Variants in WASHC4 observed in about 807,000 individuals in gnomAD.
The protein encoded by WASHC4 is WASH complex subunit 7.
A neutral mutation model predicts 166.6 loss-of-function variants in WASHC4; 86 were observed. The ratio of observed to expected loss-of-function variants is 0.52; its 90% confidence interval spans 0.43 to 0.62. The LOEUF (loss-of-function observed/expected upper bound fraction) is 0.62. WASHC4 is among the 20% of genes least tolerant of loss of function. WASHC4 has a pLI of 0.00. For synonymous variants in WASHC4, 446 were observed against 451.6 expected, an observed-to-expected ratio of 0.99 and a Z score of 0.16; for missense variants, 1,262 against 1,382.4, an observed-to-expected ratio of 0.91 and a Z score of 1.38.
intron 13 of WASHC4, among the ~76,000 whole-genome samples, chr12:105,132,086 G>T (rs546273017): frequency 3.3e-5 from 5 of 152,194 alleles, no homozygotes; most frequent in Non-Finnish European, 7.4e-5. Context: ...TCTTTACCCT[G>T]TGTAACTAAA....
chr12:105,167,044 T>C lies in WASHC4; in HGVS notation c.*113T>C, dbSNP rs760355915. 4.0e-5 allele frequency: 31 copies of C among 766,994 alleles called. No homozygotes were observed. The Middle Eastern group carries it at 6.8e-4, about 17-fold the overall frequency. 47.5% of individuals were successfully genotyped at this position (766,994 alleles called of 1,614,324 possible). ...TTTCCTGGGTCACATCTCTGGAAAA[T>C]AGATGTTACAGTTCTTAAAGGCAGT... On this transcript the variant is annotated 3_prime_UTR_variant, in exon 33 of 33. Coordinates refer to ENST00000332180, the MANE Select transcript of WASHC4 (RefSeq NM_015275.3).
chr12:105,160,408 T>C (rs567388798), intron 29 of WASHC4, among the ~76,000 whole-genome samples: 65 of 152,224 alleles, frequency 4.3e-4, no homozygotes, highest in African/African-American at 1.3e-3. Context: ...AGTGCAGTGG[T>C]GTGATCATGG....
chr12:105,165,905 T>C (rs1455382014), intron 32 of WASHC4, among the ~76,000 whole-genome samples: 1 of 152,206 alleles, frequency 6.6e-6, no homozygotes, highest in Non-Finnish European at 1.5e-5. Context: ...TTTTCAAGGA[T>C]AAATTAGCAA....
At chr12:105,117,539 A>G (rs940534144) in intron 6 of WASHC4, among the ~76,000 whole-genome samples, 9 of 152,204 alleles carry the variant, frequency 5.9e-5, no homozygotes, top group Admixed American at 5.2e-4. Flanking sequence ...ATGTAAAACT[A>G]TAACTATTTA....
At chr12:105,123,851 A>AATTT (rs1566000197) in intron 10 of WASHC4, among the ~76,000 whole-genome samples, 2 of 152,192 alleles carry the variant, frequency 1.3e-5, no homozygotes, top group Admixed American at 1.3e-4. Flanking sequence ...CTTCAAAGAA[A>AATTT]GCCAGTGCCC....
At chr12:105,156,880 A>G (rs895145004) in intron 27 of WASHC4, 88 bp downstream of exon 27, 1 of 949,770 alleles carries the variant, frequency 1.1e-6, no homozygotes. Flanking sequence ...TATTGTAGAT[A>G]AGGTGTTTGT....
In WASHC4 at chr12:105,142,494, G is replaced by A; in HGVS notation, c.1829G>A (p.Arg610Gln). 6.2e-7 allele frequency: 1 copy of A among 1,610,864 alleles called. No homozygotes were observed. The highest frequency in any genetic ancestry group is 8.5e-7 in the Non-Finnish European group (1 of 1,177,916). Reference sequence around the variant, plus strand: ...GACTGTTGTTTTTTATACTGGCATCGAGCTGTCTTCCCAATTTATTTAGAT... The same window carrying A: ...GACTGTTGTTTTTTATACTGGCATCAAGCTGTCTTCCCAATTTATTTAGAT... Reference protein sequence around the residue: ...QCDCCFLYWHRAVFPIYLDDV... With the variant: ...QCDCCFLYWHQAVFPIYLDDV... Residue 610 changes from arginine (R) to glutamine (Q), a missense_variant, in exon 19 of 33, where the codon CGA (arginine) becomes CAA (glutamine). Coordinates refer to ENST00000332180, the MANE Select transcript of WASHC4 (RefSeq NM_015275.3).
intron 26 of WASHC4, among the ~76,000 whole-genome samples, chr12:105,156,297 G>A (rs1884158346): frequency 6.6e-6 from 1 of 152,102 alleles, no homozygotes; most frequent in Admixed American, 6.5e-5. Context: ...AAAACCTAGA[G>A]TTCAGAGGAA....
chr12:105,126,191 G>A (rs749832168), intron 11 of WASHC4, 44 bp from the exon 12 acceptor site: 3 of 1,611,804 alleles, frequency 1.9e-6, no homozygotes, highest in Non-Finnish European at 1.7e-6. Context: ...AAGCATAATT[G>A]AAGTATATTT....
intron 29 of WASHC4, among the ~76,000 whole-genome samples, chr12:105,162,321 A>G (rs144571702): frequency 1.3e-5 from 2 of 152,326 alleles, no homozygotes; most frequent in East Asian, 3.9e-4. Flanking sequence ...ACTGTCTTGC[A>G]TATGTTTTTA....
At chr12:105,158,800 TG>T (rs1175756062) in intron 28 of WASHC4, among the ~76,000 whole-genome samples, 1 of 152,188 alleles carries the variant, frequency 6.6e-6, no homozygotes, top group African/African-American at 2.4e-5. Flanking sequence ...ATGGGCTAAG[TG>T]ATAAAAGGTC....
intron 28 of WASHC4, among the ~76,000 whole-genome samples, chr12:105,159,347 T>C (rs542230635): frequency 6.6e-6 from 1 of 152,214 alleles, no homozygotes; most frequent in African/African-American, 2.4e-5. Context: ...AGGGTCATGA[T>C]AATGAATAGA....
chr12:105,119,373 G>GTT (rs1880500524), intron 7 of WASHC4, among the ~76,000 whole-genome samples: 1 of 151,938 alleles, frequency 6.6e-6, no homozygotes, highest in African/African-American at 2.4e-5. Context: ...CATTAACTTT[G>GTT]TTTAGCTCTA....
chr12:105,163,986 G>A (rs1592925278), intron 30 of WASHC4, 125 bp from the exon 31 acceptor site: 3 of 857,030 alleles, frequency 3.5e-6, no homozygotes, highest in Middle Eastern at 3.1e-4. Flanking sequence ...AACTTGAAAC[G>A]GGACAAACTT....
At chr12:105,123,043 G>A (rs1481369798) in intron 10 of WASHC4, among the ~76,000 whole-genome samples, 1 of 152,174 alleles carries the variant, frequency 6.6e-6, no homozygotes, top group Non-Finnish European at 1.5e-5. Flanking sequence ...GGCCGGGCGC[G>A]GTGGCTCATG....
chr12:105,120,548 A>T lies in WASHC4; in HGVS notation c.519-7A>T. 6.3e-7 allele frequency: 1 copy of T among 1,577,730 alleles called. No homozygotes were observed. Among genetic ancestry groups the T allele is most frequent in the Non-Finnish European group, 8.7e-7 (1 of 1,147,214 alleles). The stretch of plus-strand genomic sequence containing the variant: ...TTTTTTTTAACTTGGTTGTTATTTT[A>T]TTATAGGATTGCACCCAAAATTATA... On this transcript the variant is annotated splice_region_variant and splice_polypyrimidine_tract_variant and intron_variant, in intron 7 of 32. Transcript: ENST00000332180.
At chr12:105,129,029 T>C (rs186310569) in intron 13 of WASHC4, among the ~76,000 whole-genome samples, 126 of 150,044 alleles carry the variant, frequency 8.4e-4, no homozygotes, top group African/African-American at 3.0e-3. Flanking sequence ...CACTGCAACC[T>C]CCGCCTCCTG....
At chr12:105,127,638 T>TG (rs1881408761) in intron 13 of WASHC4, among the ~76,000 whole-genome samples, 2 of 152,186 alleles carry the variant, frequency 1.3e-5, no homozygotes, top group Non-Finnish European at 2.9e-5. Context: ...ATGGTGATTT[T>TG]GGGAGAGGTT....
intron 14 of WASHC4, 74 bp from the exon 15 acceptor site, chr12:105,137,812 G>C: frequency 7.9e-7 from 1 of 1,269,062 alleles, no homozygotes; most frequent in Non-Finnish European, 1.1e-6. Flanking sequence ...TTGAGGAATA[G>C]CTGCTGTTAA....
Sources: gnomAD v4.1 joint callset for allele counts (sites outside exome capture counted in the v4.1 genomes callset) on GRCh38, gnomAD v4.1.1 for gene constraint, MANE v1.5 for transcripts, NCBI Gene and HGNC (gene_info 2026-07-23, HGNC 2026-07-21) for gene names.